CYP2W1: variants seen among roughly 807,000 people sequenced by gnomAD.
CYP2W1 encodes cytochrome P450 2W1.
In CYP2W1, 51 loss-of-function variants were observed where a neutral mutation model predicts 44.9. The observed-to-expected ratio is 1.14, with a 90% CI of 0.91 to 1.43. CYP2W1 has a LOEUF of 1.43. Ranked by LOEUF, CYP2W1 falls within the 40% of genes most tolerant of loss-of-function variation. The pLI, the probability that CYP2W1 is intolerant of heterozygous loss-of-function variation, is 0.00. For synonymous variants in CYP2W1, 383 were observed against 338.3 expected, an observed-to-expected ratio of 1.13 and a Z score of -1.45; for missense variants, 746 against 700.0, an observed-to-expected ratio of 1.07 and a Z score of -0.74.
intron 4 of CYP2W1, 57 bp downstream of exon 4, chr7:985,380 AG>A: frequency 1.3e-6 from 2 of 1,524,526 alleles, no homozygotes; most frequent in Non-Finnish European, 1.8e-6. Flanking sequence ...ATGGGCGTGC[AG>A]CAGGAGGACG....
Position 989,092 on chromosome 7 carries a change from C to G in CYP2W1, c.*270C>G. 2.3e-6 allele frequency: 1 copy of G among 442,640 alleles called. No homozygotes were observed. The highest frequency in any genetic ancestry group is 4.0e-6 in the Non-Finnish European group (1 of 249,788). 27.4% of individuals were successfully genotyped at this position (442,640 alleles called of 1,614,324 possible). A position where few individuals can be genotyped will look rare whatever the true frequency, so the allele number is the denominator to read the frequency against. ...GCGCCTCCAGGGCCCCGCCCACTCTCCCACCCCTGAAGCTGCACTCCCACC... is the reference window on the plus strand; with the variant it reads ...GCGCCTCCAGGGCCCCGCCCACTCTGCCACCCCTGAAGCTGCACTCCCACC... On this transcript the variant is annotated 3_prime_UTR_variant, in exon 9 of 9. Transcript: ENST00000308919.
Position 983,385 on chromosome 7 carries a change from G to A in CYP2W1, c.174G>A (p.Glu58=). 2 of 1,503,986 alleles carry A rather than the reference G, an allele frequency of 1.3e-6. No individual in the cohort carries two copies. The highest frequency in any genetic ancestry group is 1.2e-5 in the South Asian group (1 of 81,588). The allele number at this position is 1,503,986 out of a possible 1,614,324, so 93.2% of individuals were successfully genotyped here. Residue 58 remains glutamate (E), a splice_region_variant and synonymous_variant, in exon 1 of 9, where the codon GAG becomes GAA. Coordinates refer to ENST00000308919, the MANE Select transcript of CYP2W1 (RefSeq NM_017781.3). ...RLSQQDRSLM[E]LSERYGPVFT... ...CGCAACAGGACCGGTCCCTGATGGA[G>A]GTAAGTCAGGGAGCCCGGGCAGCTC...
intron 7 of CYP2W1, among the ~76,000 whole-genome samples, chr7:987,977 TG>T (rs1250390123): frequency 1.3e-3 from 74 of 59,052 alleles, no homozygotes; most frequent in Non-Finnish European, 1.7e-3. Context: ...CTGTGTGTCC[TG>T]GGGGGGTCCC....
rs186092597 is a variant in CYP2W1 at position 987,234 on chromosome 7, C to T, written c.947C>T (p.Pro316Leu). 40 of 1,532,932 alleles carry T rather than the reference C, an allele frequency of 2.6e-5. No homozygotes were observed. The Admixed American group carries it at 3.4e-4, about 13-fold the overall frequency. The allele number at this position is 1,532,932 out of a possible 1,614,324, so 95.0% of individuals were successfully genotyped here. A position where few individuals can be genotyped will look rare whatever the true frequency, so the allele number is the denominator to read the frequency against. ...GCCGCACTTCTGATGGGCCGGCACC[C>T]GGACGTGCAGGGTGAGACCCCGGCG... The part of the protein sequence containing the change: ...QWAALLMGRH[P>L]DVQGRVQEEL... The change falls in exon 6 of 9, where the codon CCG becomes CTG. Residue 316 changes from proline to leucine, a missense_variant. Physicochemically the swap from Pro to Leu is moderately conservative, Grantham distance 98 (BLOSUM62 -3). Coordinates refer to ENST00000308919, the MANE Select transcript of CYP2W1 (RefSeq NM_017781.3).
At position 987,244 on chromosome 7, in the gene CYP2W1, GGGTGAGACCCCGGCGCCT is replaced by G. The variant is rs757209232; in HGVS notation, c.958+2_958+19del. ...TGATGGGCCGGCACCCGGACGTGCAGGGTGAGACCCCGGCGCCTGGCGAGACGGCTCCTTCTGCCCCCG... is the reference window on the plus strand; with the variant it reads ...TGATGGGCCGGCACCCGGACGTGCAGGGCGAGACGGCTCCTTCTGCCCCCG... On this transcript the variant is annotated splice_donor_variant and splice_donor_5th_base_variant and coding_sequence_variant and intron_variant, in exon 6 of 9. Coordinates refer to ENST00000308919, the MANE Select transcript of CYP2W1 (RefSeq NM_017781.3). LOFTEE classifies it high-confidence loss of function. The G allele has an allele frequency of 2.0e-6, 3 of 1,522,200 alleles. No individual in the cohort carries two copies. The highest frequency in any genetic ancestry group is 2.4e-5 in the South Asian group (2 of 82,696). 94.3% of individuals were successfully genotyped at this position (1,522,200 alleles called of 1,614,324 possible).
At position 988,951 on chromosome 7, in the gene CYP2W1, A is replaced by C. The variant is rs1421622583; in HGVS notation, c.*129A>C. The stretch of plus-strand genomic sequence containing the variant: ...CCTGAGGACTCCCACCCTCACCCCC[A>C]CCCCCACAGGGTCAGCAACTGCTTC... On this transcript the variant is annotated 3_prime_UTR_variant, in exon 9 of 9. Transcript: ENST00000308919. 47 of 512,640 alleles carry C rather than the reference A, an allele frequency of 9.2e-5. No homozygotes were observed. The highest frequency in any genetic ancestry group is 1.6e-4 in the South Asian group (6 of 37,086). The allele number at this position is 512,640 out of a possible 1,614,324, so 31.8% of individuals were successfully genotyped here.
At position 988,996 on chromosome 7, in the gene CYP2W1, C is replaced by A. The variant is rs1848619151; in HGVS notation, c.*174C>A. Reference sequence around the variant, plus strand: ...TGCTTCCGGTTACACCCAGGACTACCCCTGCCCGACCCTGTGGGACCCCCA... The same window carrying A: ...TGCTTCCGGTTACACCCAGGACTACACCTGCCCGACCCTGTGGGACCCCCA... On this transcript the variant is annotated 3_prime_UTR_variant, in exon 9 of 9. Coordinates refer to ENST00000308919, the MANE Select transcript of CYP2W1 (RefSeq NM_017781.3). The A allele has an allele frequency of 3.5e-6, 2 of 566,576 alleles. No individual in the cohort carries two copies. The highest frequency in any genetic ancestry group is 6.3e-6 in the Non-Finnish European group (2 of 318,198). The allele number at this position is 566,576 out of a possible 1,614,324, so 35.1% of individuals were successfully genotyped here. A position where few individuals can be genotyped will look rare whatever the true frequency, so the allele number is the denominator to read the frequency against.
chr7:987,933 T>TGGGGGGGGTCCCCTGTGTCCTG (rs11438426), intron 7 of CYP2W1, among the ~76,000 whole-genome samples: 2 of 135,684 alleles, frequency 1.5e-5, no homozygotes, highest in African/African-American at 6.0e-5. Flanking sequence ...CTGTGTGTCC[T>TGGGGGGGGTCCCCTGTGTCCTG]GGGGGGGTCC....
chr7:986,682 G>A lies in CYP2W1; in HGVS notation c.704G>A (p.Arg235His), dbSNP rs369538884. The change falls in exon 5 of 9, where the codon CGC (arginine) becomes CAC (histidine). Residue 235 changes from arginine to histidine, a missense_variant. Arg to His is a conservative substitution (Grantham distance 29, BLOSUM62 0). Coordinates refer to ENST00000308919, the MANE Select transcript of CYP2W1 (RefSeq NM_017781.3). ...ALLQLHRPVL[R>H]KIEEVRAILR... Reference sequence around the variant, plus strand: ...CTCCAGCTGCACCGGCCCGTCCTGCGCAAGATCGAGGAGGTCCGTGCCATT... The same window carrying A: ...CTCCAGCTGCACCGGCCCGTCCTGCACAAGATCGAGGAGGTCCGTGCCATT... The A allele has an allele frequency of 1.3e-5, 21 of 1,612,542 alleles. No individual in the cohort carries two copies. Among genetic ancestry groups the A allele is most frequent in the Admixed American group, 3.3e-5 (2 of 59,980 alleles).
At position 983,287 on chromosome 7, in the gene CYP2W1, T is replaced by C. The variant is rs912806496; in HGVS notation, c.76T>C (p.Ser26Pro). ...GLLCACAQDPSPAARWPPGPR... is the reference protein window; with the variant it reads ...GLLCACAQDPPPAARWPPGPR... ...GCTCTGCGCCTGCGCCCAAGACCCCTCCCCAGCTGCCCGGTGGCCCCCGGG... is the reference window on the plus strand; with the variant it reads ...GCTCTGCGCCTGCGCCCAAGACCCCCCCCCAGCTGCCCGGTGGCCCCCGGG... Residue 26 changes from serine (S) to proline (P), a missense_variant, in exon 1 of 9, where the codon TCC (serine) becomes CCC (proline). By Grantham distance (74) the Ser-to-Pro change is moderately conservative. Transcript: ENST00000308919. The C allele has an allele frequency of 6.5e-6, 10 of 1,543,636 alleles. No homozygotes were observed. Among genetic ancestry groups the C allele is most frequent in the Non-Finnish European group, 7.9e-6 (9 of 1,145,464 alleles).
At position 988,662 on chromosome 7, in the gene CYP2W1, T is replaced by A. The variant is rs1437059053; in HGVS notation, c.1313T>A (p.Leu438Gln). 1 of 1,601,174 alleles carries A rather than the reference T, an allele frequency of 6.2e-7. No homozygotes were observed. The highest frequency in any genetic ancestry group is 1.3e-5 in the African/African-American group (1 of 74,830). Residue 438 changes from leucine to glutamine, a missense_variant, in exon 9 of 9, where the codon CTG (leucine) becomes CAG (glutamine). Transcript: ENST00000308919. ...CGCCGCGTCTGTGTTGGGGAGCGCC[T>A]GGCCAGGACCGAGCTCTTCCTGCTG... is the stretch of plus-strand genomic sequence containing the variant. ...AGRRVCVGER[L>Q]ARTELFLLFA...
Position 984,425 on chromosome 7 carries a change from A to G in CYP2W1, c.188A>G (p.Tyr63Cys), listed in dbSNP as rs199628199. The G allele has an allele frequency of 1.7e-5, 26 of 1,548,174 alleles. No individual in the cohort carries two copies. In the Admixed American group the frequency reaches 4.7e-4, roughly 28 times the overall value. The change falls in exon 2 of 9, where the codon TAC (tyrosine) becomes TGC (cysteine). Residue 63 changes from tyrosine to cysteine, a missense_variant. Tyr to Cys is a radical substitution (Grantham distance 194). Transcript: ENST00000308919. ...DRSLMELSER[Y>C]GPVFTVHLGR... ...CATCCCTGCCAGCTCTCAGAACGCT[A>G]CGGGCCGGTGTTCACCGTGCACCTG...
At position 988,889 on chromosome 7, in the gene CYP2W1, T is replaced by C; in HGVS notation, c.*67T>C. 1.0e-6 allele frequency: 1 copy of C among 968,726 alleles called. No individual in the cohort carries two copies. The highest frequency in any genetic ancestry group is 2.7e-5 in the East Asian group (1 of 36,498). The allele number at this position is 968,726 out of a possible 1,614,324, so 60.0% of individuals were successfully genotyped here. On this transcript the variant is annotated 3_prime_UTR_variant, in exon 9 of 9. Transcript: ENST00000308919. Reference sequence around the variant, plus strand: ...CAGCCCTGGGTCCTCCCACCCTCTCTCCTCCCACCCCACAGCTCGGACTGC... The same window carrying C: ...CAGCCCTGGGTCCTCCCACCCTCTCCCCTCCCACCCCACAGCTCGGACTGC...
At chr7:984,706 G>C (rs1848192934) in intron 2 of CYP2W1, 132 bp downstream of exon 2, 4 of 1,338,828 alleles carry the variant, frequency 3.0e-6, no homozygotes, top group East Asian at 2.5e-5. Context: ...CTGGGCCTCC[G>C]GGCTGGTGCT....
At chr7:984,272 T>C (rs1352967509) in intron 1 of CYP2W1, 140 bp from the exon 2 acceptor site, 11 of 1,149,512 alleles carry the variant, frequency 9.6e-6, no homozygotes, top group African/African-American at 1.6e-5. Flanking sequence ...ACTGGCTTTA[T>C]GGCATCTAGG....
At chr7:987,606 G>A (rs753380728) in intron 7 of CYP2W1, 75 bp downstream of exon 7, 18 of 1,361,436 alleles carry the variant, frequency 1.3e-5, no homozygotes, top group South Asian at 5.9e-5. Flanking sequence ...GCACTGGGAC[G>A]GCTGAGCGTC....
Position 984,691 on chromosome 7 carries a change from A to G in CYP2W1, c.337+117A>G, listed in dbSNP as rs1246811925. On this transcript the variant is annotated intron_variant, in intron 2 of 8. Transcript: ENST00000308919. ...CAGGGTGGCCTGGGGAAGAGCAGGC[A>G]GGAGCTGGGCCTCCGGGCTGGTGCT... 23 of 1,404,044 alleles carry G rather than the reference A, an allele frequency of 1.6e-5. 1 individual carries two copies. The highest frequency in any genetic ancestry group is 8.0e-5 in the South Asian group (6 of 74,870). 87.0% of individuals were successfully genotyped at this position (1,404,044 alleles called of 1,614,324 possible). A position where few individuals can be genotyped will look rare whatever the true frequency, so the allele number is the denominator to read the frequency against.
intron 1 of CYP2W1, 45 bp from the exon 2 acceptor site, chr7:984,367 C>T (rs1848159235): frequency 6.5e-7 from 1 of 1,537,718 alleles, no homozygotes. Flanking sequence ...TAAGGGGGGT[C>T]TTGTGGGTGA....
intron 4 of CYP2W1, 34 bp from the exon 5 acceptor site, chr7:986,590 G>A (rs778738141): frequency 8.7e-6 from 14 of 1,610,096 alleles, no homozygotes; most frequent in East Asian, 4.5e-5. Context: ...CTGGGGCTGC[G>A]TCCTTATCTC....
Sources: gnomAD v4.1 joint callset for allele counts (sites outside exome capture counted in the v4.1 genomes callset) on GRCh38, gnomAD v4.1.1 for gene constraint, MANE v1.5 for transcripts, NCBI Gene and HGNC (gene_info 2026-07-23, HGNC 2026-07-21) for gene names.